Variants in SLC9A9 observed in about 807,000 individuals in gnomAD.
SLC9A9 encodes the protein solute carrier family 9 member A9.
SLC9A9 carries 62 observed loss-of-function variants against 77.8 expected under a neutral mutation model. The observed-to-expected ratio is 0.80, with a 90% CI of 0.65 to 0.98. The LOEUF is 0.98. SLC9A9 is among the 50% of genes least tolerant of loss of function. The pLI is 0.00. For synonymous variants in SLC9A9, 320 were observed against 283.5 expected, an observed-to-expected ratio of 1.13 and a Z score of -1.29; for missense variants, 775 against 774.9, an observed-to-expected ratio of 1.00 and a Z score of 0.00.
intron 2 of SLC9A9, among the ~76,000 whole-genome samples, chr3:143,827,106 G>T (rs1382942946): frequency 6.6e-6 from 1 of 152,172 alleles, no homozygotes; most frequent in Non-Finnish European, 1.5e-5. Flanking sequence ...TTCAAAACAG[G>T]TTTTGAACTT....
intron 4 of SLC9A9, among the ~76,000 whole-genome samples, chr3:143,704,476 A>T (rs1393335005): frequency 6.6e-6 from 1 of 152,184 alleles, no homozygotes; most frequent in Non-Finnish European, 1.5e-5. Context: ...AAACCATATG[A>T]TCATTTCAAT....
At chr3:143,535,886 C>A (rs1559957435) in intron 9 of SLC9A9, among the ~76,000 whole-genome samples, 3 of 152,150 alleles carry the variant, frequency 2.0e-5, no homozygotes, top group Admixed American at 2.0e-4. Flanking sequence ...GATGAGTTTT[C>A]TCCTAATTCA....
chr3:143,799,385 G>C (rs888816415), intron 2 of SLC9A9, among the ~76,000 whole-genome samples: 3 of 152,188 alleles, frequency 2.0e-5, no homozygotes, highest in East Asian at 3.8e-4. Context: ...ACGCCTTCAA[G>C]GTGTACAATA....
chr3:143,813,261 T>C (rs2008917274), intron 2 of SLC9A9, among the ~76,000 whole-genome samples: 1 of 152,132 alleles, frequency 6.6e-6, no homozygotes, highest in Non-Finnish European at 1.5e-5. Flanking sequence ...TGCTCATGGC[T>C]GAAGACAAGT....
chr3:143,814,597 A>G (rs2008956520), intron 2 of SLC9A9, among the ~76,000 whole-genome samples: 1 of 152,226 alleles, frequency 6.6e-6, no homozygotes, highest in African/African-American at 2.4e-5. Context: ...AACTTCGGAT[A>G]AACATCACTT....
intron 14 of SLC9A9, among the ~76,000 whole-genome samples, chr3:143,280,914 A>G (rs1166811791): frequency 6.6e-6 from 1 of 152,176 alleles, no homozygotes; most frequent in Non-Finnish European, 1.5e-5. Flanking sequence ...CCACACACAT[A>G]TAACTCTAAA....
chr3:143,622,278 C>A (rs1175113192), intron 6 of SLC9A9, among the ~76,000 whole-genome samples: 1 of 152,140 alleles, frequency 6.6e-6, no homozygotes, highest in African/African-American at 2.4e-5. Context: ...CACAAAGATA[C>A]TCCTCGAGAA....
chr3:143,421,507 C>G (rs1045794751), intron 12 of SLC9A9, among the ~76,000 whole-genome samples: 16 of 152,196 alleles, frequency 1.1e-4, no homozygotes, highest in Non-Finnish European at 1.6e-4. Context: ...AAAGGACCCT[C>G]TATTTAATAA....
intron 7 of SLC9A9, among the ~76,000 whole-genome samples, chr3:143,576,010 A>T (rs2037352352): frequency 1.3e-5 from 2 of 152,172 alleles, no homozygotes; most frequent in South Asian, 4.1e-4. Flanking sequence ...ATCTGATGCA[A>T]TCTTATGCCA....
At position 143,668,883 on chromosome 3, in the gene SLC9A9, A is replaced by T. The variant is rs544470678; in HGVS notation, c.650-16523T>A. 6.6e-5 allele frequency among the ~76,000 whole-genome samples: 10 copies of T among 152,276 alleles called. No homozygotes were observed. The South Asian group carries it at 2.1e-3, about 32-fold the overall frequency. On this transcript the variant is annotated intron_variant, in intron 5 of 15. Coordinates refer to ENST00000316549, the MANE Select transcript of SLC9A9 (RefSeq NM_173653.4). ...GCAAAATAATAAATTGAACAACACA[A>T]TTCCTTGTCTGTAGCACCCAGACAA...
At chr3:143,439,640 T>A (rs2034689599) in intron 12 of SLC9A9, among the ~76,000 whole-genome samples, 2 of 152,166 alleles carry the variant, frequency 1.3e-5, no homozygotes, top group African/African-American at 2.4e-5. Context: ...ATATGACTTA[T>A]CCCTTTAGTT....
At position 143,626,044 on chromosome 3, in the gene SLC9A9, T is replaced by A. The variant is rs552192745; in HGVS notation, c.755+26211A>T. On this transcript the variant is annotated intron_variant, in intron 6 of 15. Transcript: ENST00000316549. The stretch of plus-strand genomic sequence containing the variant: ...TCATCATCACTGGCCATCAGAGAAA[T>A]GCAAATCAAAACCACAATGAGATAC... Among the ~76,000 whole-genome samples the A allele has an allele frequency of 1.7e-3, 259 of 152,210 alleles. 1 individual carries two copies. Among genetic ancestry groups the A allele is most frequent in the Non-Finnish European group, 2.8e-3 (188 of 68,014 alleles).
chr3:143,302,902 G>A (rs1181445118), intron 14 of SLC9A9, among the ~76,000 whole-genome samples: 1 of 152,200 alleles, frequency 6.6e-6, no homozygotes, highest in African/African-American at 2.4e-5. Flanking sequence ...TCCTCCACAA[G>A]AGTGTGGAGT....
intron 4 of SLC9A9, among the ~76,000 whole-genome samples, chr3:143,730,059 G>A (rs900181256): frequency 6.6e-6 from 1 of 152,172 alleles, no homozygotes; most frequent in African/African-American, 2.4e-5. Context: ...CACACAAATA[G>A]CAGGTAGTTG....
chr3:143,630,646 G>GA (rs2108726751), intron 6 of SLC9A9, among the ~76,000 whole-genome samples: 1 of 152,182 alleles, frequency 6.6e-6, no homozygotes, highest in East Asian at 1.9e-4. Context: ...TTTACTAAGT[G>GA]AAAATTTGAG....
intron 5 of SLC9A9, among the ~76,000 whole-genome samples, chr3:143,661,678 C>T (rs1054542999): frequency 6.6e-6 from 1 of 152,192 alleles, no homozygotes; most frequent in African/African-American, 2.4e-5. Flanking sequence ...TGATGTCAAT[C>T]TCTAGCCCAT....
intron 14 of SLC9A9, among the ~76,000 whole-genome samples, chr3:143,358,908 TC>T (rs2032663702): frequency 6.6e-6 from 1 of 152,226 alleles, no homozygotes; most frequent in African/African-American, 2.4e-5. Flanking sequence ...ATGTGCCAGA[TC>T]GTTGTACTAA....
chr3:143,578,588 T>G lies in SLC9A9; in HGVS notation c.891A>C (p.Ala297=). 6.2e-7 allele frequency: 1 copy of G among 1,613,916 alleles called. No homozygotes were observed. Among genetic ancestry groups the G allele is most frequent in the South Asian group, 1.1e-5 (1 of 91,074 alleles). The change falls in exon 7 of 16, where the codon GCA becomes GCC. Residue 297 remains alanine (A), a synonymous_variant. Transcript: ENST00000316549. The part of the protein sequence containing the change: ...AMGSAYAIIT[A]LLTKFTKLCE... ...TCCACATACAGACAAAGGATATCAG[T>G]GCTGTGATGATGGCATACGCAGACC...
At chr3:143,577,133 G>C (rs1321752173) in intron 7 of SLC9A9, among the ~76,000 whole-genome samples, 1 of 152,152 alleles carries the variant, frequency 6.6e-6, no homozygotes, top group Non-Finnish European at 1.5e-5. Flanking sequence ...GACTGTCAGT[G>C]TGTCACTCTC....
Sources: gnomAD v4.1 joint callset for allele counts (sites outside exome capture counted in the v4.1 genomes callset) on GRCh38, gnomAD v4.1.1 for gene constraint, MANE v1.5 for transcripts, NCBI Gene and HGNC (gene_info 2026-07-23, HGNC 2026-07-21) for gene names.